The following TTC34 variants were observed in gnomAD, a reference collection of about 807,000 sequenced individuals.
TTC34 encodes tetratricopeptide repeat domain 34, also known as tetratricopeptide repeat protein 34.
TTC34 carries 44 observed loss-of-function variants against 40.7 expected under a neutral mutation model. The observed-to-expected ratio is 1.08, with a 90% confidence interval of 0.85 to 1.39. The LOEUF is 1.39. Ranked by LOEUF, TTC34 falls within the 40% of genes most tolerant of loss-of-function variation. The probability of loss-of-function intolerance (pLI) is 0.00; values close to 1 mark genes in which losing one functional copy is unlikely to be tolerated. For missense variants in TTC34, 884 were observed against 838.0 expected, an observed-to-expected ratio of 1.05 and a Z score of -0.68; for synonymous variants, 422 against 398.6, an observed-to-expected ratio of 1.06 and a Z score of -0.70.
exon 9 of TTC34, chr1:2,636,986 T>C (rs4648661): frequency 0.35 from 52,978 of 152,030 alleles, 10,469 homozygotes; most frequent in Non-Finnish European, 0.44. Flanking sequence ...CCAATCGAAG[T>C]GTGAGAAGGG....
chr1:2,751,372 G>A (rs1231386141), intron 6 of TTC34, among the ~76,000 whole-genome samples: 2 of 147,864 alleles, frequency 1.4e-5, no homozygotes, highest in Non-Finnish European at 3.0e-5. Flanking sequence ...CACACCCCCA[G>A]GTGCGCATCT....
intron 6 of TTC34, among the ~76,000 whole-genome samples, chr1:2,780,028 C>T (rs185784480): frequency 2.0e-5 from 3 of 152,152 alleles, no homozygotes; most frequent in South Asian, 2.1e-4. Flanking sequence ...GCAGGAGAAT[C>T]GCTTGAACCC....
intron 2 of TTC34, among the ~76,000 whole-genome samples, chr1:2,792,641 T>C (rs1170533241): frequency 6.6e-6 from 1 of 152,232 alleles, no homozygotes; most frequent in Non-Finnish European, 1.5e-5. Flanking sequence ...GTGCCTGTTC[T>C]TTCAGCCCAG....
At chr1:2,748,562 AC>A (rs1641220545) in intron 6 of TTC34, among the ~76,000 whole-genome samples, 5 of 44,490 alleles carry the variant, frequency 1.1e-4, no homozygotes, top group African/African-American at 6.0e-4. Flanking sequence ...CAACCACACC[AC>A]CATGCGAGCA....
chr1:2,777,361 A>T (rs1171682540), intron 6 of TTC34, among the ~76,000 whole-genome samples: 1 of 147,882 alleles, frequency 6.8e-6, no homozygotes, highest in Non-Finnish European at 1.5e-5. Context: ...GACAGCCTGG[A>T]GCAACACCCC....
intron 6 of TTC34, among the ~76,000 whole-genome samples, chr1:2,685,846 T>G (rs535791123): frequency 2.1e-5 from 3 of 143,974 alleles, no homozygotes; most frequent in Admixed American, 7.1e-5. Flanking sequence ...CATGCCCAGG[T>G]GAGCCTCTGA....
chr1:2,654,963 G>T (rs989529644), intron 6 of TTC34, among the ~76,000 whole-genome samples: 90 of 148,954 alleles, frequency 6.0e-4, no homozygotes, highest in African/African-American at 2.2e-3. Flanking sequence ...GCCTGGAACA[G>T]CACCCACACC....
intron 8 of TTC34, among the ~76,000 whole-genome samples, chr1:2,643,658 G>A (rs1457785219): frequency 6.6e-6 from 1 of 152,192 alleles, no homozygotes; most frequent in Non-Finnish European, 1.5e-5. Context: ...AGCTCGGGGG[G>A]GGCAGCGGCG....
chr1:2,760,033 C>CACCCACACCCCCAAGTGAGCATCTGACA (rs1641644446), intron 6 of TTC34, among the ~76,000 whole-genome samples: 2 of 113,106 alleles, frequency 1.8e-5, no homozygotes, highest in Non-Finnish European at 3.5e-5. Context: ...TCCGGAGCAG[C>CACCCACACCCCCAAGTGAGCATCTGACA]GCCCACACAC....
At chr1:2,639,534 T>A (rs1006334480) in exon 9 of TTC34, 1 of 152,628 alleles carries the variant, frequency 6.6e-6, no homozygotes, top group African/African-American at 2.4e-5. Context: ...CTGGCCCACC[T>A]GACCCGAGGA....
At chr1:2,767,403 C>T (rs1641800731) in intron 6 of TTC34, among the ~76,000 whole-genome samples, 4 of 143,558 alleles carry the variant, frequency 2.8e-5, no homozygotes, top group South Asian at 2.4e-4. Context: ...CACCCACACC[C>T]CCAGGTGAGC....
rs1471537219 is a variant in TTC34 at position 2,761,004 on chromosome 1, C to A, written c.2226+22605G>T. On this transcript the variant is annotated intron_variant, in intron 6 of 8. Transcript: ENST00000401095. ...TGATAGCCTGGAGCAGCGCTCACAC[C>A]CAGAGGTGAGCATATGACCACCTGG... Among the ~76,000 whole-genome samples the A allele has an allele frequency of 4.1e-5, 3 of 72,852 alleles. 1 individual carries two copies. The highest frequency in any genetic ancestry group is 7.1e-5 in the Non-Finnish European group (3 of 42,316). 47.8% of individuals were successfully genotyped at this position (72,852 alleles called of 152,430 possible).
At chr1:2,775,396 A>T (rs1234340240) in intron 6 of TTC34, 1 of 148,904 alleles carries the variant, frequency 6.7e-6, no homozygotes, top group Non-Finnish European at 1.5e-5. Context: ...CTGCACCCCC[A>T]GTTGAGCATC....
chr1:2,696,035 C>A (rs551955953), intron 6 of TTC34, among the ~76,000 whole-genome samples: 5 of 117,416 alleles, frequency 4.3e-5, no homozygotes, highest in Admixed American at 2.5e-4. Context: ...AGCACCCACA[C>A]GCCCAGGTGA....
chr1:2,685,191 A>G (rs1223960865), intron 6 of TTC34, among the ~76,000 whole-genome samples: 2 of 130,482 alleles, frequency 1.5e-5, no homozygotes, highest in African/African-American at 3.1e-5. Flanking sequence ...CTGGAACAGC[A>G]CCCACACCCC....
chr1:2,790,877 A>G (rs1161251663), intron 2 of TTC34, among the ~76,000 whole-genome samples: 1 of 152,180 alleles, frequency 6.6e-6, no homozygotes, highest in East Asian at 1.9e-4. Context: ...TCTCTGTAGC[A>G]GAGCTCTTCT....
chr1:2,683,298 A>T (rs1199253792), intron 6 of TTC34, among the ~76,000 whole-genome samples: 2 of 148,526 alleles, frequency 1.3e-5, no homozygotes, highest in Non-Finnish European at 3.0e-5. Context: ...ACAGCCTGGA[A>T]CAGAATCCAC....
At chr1:2,759,613 C>T (rs1641624847) in intron 6 of TTC34, among the ~76,000 whole-genome samples, 636 of 149,014 alleles carry the variant, frequency 4.3e-3, no homozygotes, top group East Asian at 5.9e-3. Flanking sequence ...AGGCGAGCAT[C>T]CGCCAGCCTG....
chr1:2,693,963 T>G (rs1292018571), intron 6 of TTC34, among the ~76,000 whole-genome samples: 2 of 72,820 alleles, frequency 2.7e-5, no homozygotes, highest in Non-Finnish European at 5.6e-5. Context: ...GGGGAGCATC[T>G]GACAGCCTGG....
Sources: allele counts gnomAD v4.1 joint callset (sites outside exome capture counted in the v4.1 genomes callset), GRCh38; gene constraint gnomAD v4.1.1; transcripts MANE v1.5; gene names NCBI Gene and HGNC (gene_info 2026-07-23, HGNC 2026-07-21).